DNAH11: variants seen among roughly 807,000 people sequenced by gnomAD.
DNAH11 encodes axonemal beta dynein heavy chain 11.
A neutral mutation model predicts 526.0 loss-of-function variants in DNAH11; 442 were observed. The observed-to-expected ratio is 0.84, with a 90% confidence interval of 0.78 to 0.91. DNAH11 has a LOEUF of 0.91. Among genes scored for constraint, DNAH11 ranks in the 40% least tolerant of loss-of-function variants. DNAH11 has a pLI of 0.00. For missense variants in DNAH11, 6,989 were observed against 5,448.7 expected (o/e 1.28, Z -8.90); for synonymous variants, 2,461 against 1,935.9 (o/e 1.27, Z -7.12).
At chr7:21,857,534 G>GA (rs71026827) in intron 68 of DNAH11, among the ~76,000 whole-genome samples, 75 of 147,214 alleles carry the variant, frequency 5.1e-4, no homozygotes, top group East Asian at 1.8e-3. Context: ...TTTTGAAAAA[G>GA]AAAAAAAAAA....
At chr7:21,726,461 A>T (rs1223398263) in intron 45 of DNAH11, among the ~76,000 whole-genome samples, 4 of 110,698 alleles carry the variant, frequency 3.6e-5, no homozygotes, top group African/African-American at 1.4e-4. Flanking sequence ...TCCCTTTTTA[A>T]AAAAAAAGTC....
Position 21,818,255 on chromosome 7 carries a change from A to G in DNAH11, c.10607A>G (p.Asp3536Gly). The G allele has an allele frequency of 6.2e-7, 1 of 1,612,298 alleles. No homozygotes were observed. The highest frequency in any genetic ancestry group is 1.1e-5 in the South Asian group (1 of 90,836). ...NAIETALAFG[D>G]VILIENLEET... ...ATTGAAACTGCTTTGGCCTTTGGTG[A>G]TGTCATCTTAATTGAAAATCTCGAG... Residue 3536 changes from aspartate (D) to glycine (G), a missense_variant, in exon 65 of 82, where the codon GAT (aspartate) becomes GGT (glycine). By Grantham distance (94) the Asp-to-Gly change is moderately conservative. Coordinates refer to ENST00000409508, the MANE Select transcript of DNAH11 (RefSeq NM_001277115.2).
At chr7:21,568,821 A>G (rs951438554) in intron 6 of DNAH11, among the ~76,000 whole-genome samples, 16 of 152,204 alleles carry the variant, frequency 1.1e-4, no homozygotes, top group African/African-American at 3.6e-4. Context: ...GCATCCTAAA[A>G]AGACACATTT....
At position 21,558,811 on chromosome 7, in the gene DNAH11, C is replaced by G. The variant is rs759701723; in HGVS notation, c.505C>G (p.Pro169Ala). 8.2e-6 allele frequency: 13 copies of G among 1,577,920 alleles called. No homozygotes were observed. In the South Asian group the frequency reaches 1.6e-4, roughly 19 times the overall value. ...VSAFLDEILVPVLSNKNNHKS... is the reference protein window; with the variant it reads ...VSAFLDEILVAVLSNKNNHKS... The stretch of plus-strand genomic sequence containing the variant: ...GTTTCTCTTTCTCTAGATTTTAGTG[C>G]CAGTTCTTTCTAATAAGAACAACCA... The change falls in exon 3 of 82, where the codon CCA becomes GCA. Residue 169 changes from proline (P) to alanine (A), a missense_variant. Pro to Ala is a conservative substitution (Grantham distance 27). Transcript: ENST00000409508.
Position 21,773,826 on chromosome 7 carries a change from A to G in DNAH11, c.9163A>G (p.Met3055Val). The G allele has an allele frequency of 1.2e-6, 2 of 1,609,042 alleles. No individual in the cohort carries two copies. The highest frequency in any genetic ancestry group is 2.7e-5 in the African/African-American group (2 of 74,980). The change falls in exon 56 of 82, where the codon ATG (methionine) becomes GTG (valine). Residue 3055 changes from methionine to valine, a missense_variant. Coordinates refer to ENST00000409508, the MANE Select transcript of DNAH11 (RefSeq NM_001277115.2). ...MAHVHTTVNE[M>V]STRYYQNERR... ...ACATGTTCACACCACTGTAAATGAA[A>G]TGAGTACCAGATATTACCAGAATGA...
intron 25 of DNAH11, among the ~76,000 whole-genome samples, chr7:21,635,656 C>T (rs1786827814): frequency 6.6e-6 from 1 of 152,046 alleles, no homozygotes; most frequent in Non-Finnish European, 1.5e-5. Flanking sequence ...ATATATTTAT[C>T]TTTTTTTCTT....
Position 21,617,738 on chromosome 7 carries a change from C to T in DNAH11, c.4215C>T (p.Leu1405=), listed in dbSNP as rs886038465. ...RAITELQSPA[L]RDRHWHQLMK... ...TCACAGAGTTACAGAGCCCTGCCCT[C>T]AGGGACAGGCATTGGCACCAGCTGA... Residue 1405 remains leucine (L), a synonymous_variant, in exon 23 of 82, where the codon CTC becomes CTT. Transcript: ENST00000409508. The T allele has an allele frequency of 5.0e-6, 8 of 1,608,436 alleles. No individual in the cohort carries two copies. The highest frequency in any genetic ancestry group is 3.3e-5 in the South Asian group (3 of 90,020).
chr7:21,731,101 G>T (rs919836696), intron 45 of DNAH11, among the ~76,000 whole-genome samples: 1 of 151,888 alleles, frequency 6.6e-6, no homozygotes, highest in Non-Finnish European at 1.5e-5. Context: ...CCGAGAGTGC[G>T]CTATTGGACT....
chr7:21,600,506 A>G (rs934657684), intron 15 of DNAH11, among the ~76,000 whole-genome samples, 170 bp from the exon 16 acceptor site: 6 of 152,142 alleles, frequency 3.9e-5, no homozygotes, highest in African/African-American at 1.4e-4. Context: ...CCCAGAACAA[A>G]TTAGGAAAAT....
Position 21,570,030 on chromosome 7 carries a change from A to G in DNAH11, c.1195-39A>G, listed in dbSNP as rs753366837. The G allele has an allele frequency of 8.2e-6, 12 of 1,459,050 alleles. No homozygotes were observed. In the South Asian group the frequency reaches 1.5e-4, roughly 18 times the overall value. The allele number at this position is 1,459,050 out of a possible 1,614,324, so 90.4% of individuals were successfully genotyped here. On this transcript the variant is annotated intron_variant, in intron 6 of 81. Coordinates refer to ENST00000409508, the MANE Select transcript of DNAH11 (RefSeq NM_001277115.2). ...GACGGTTACAGGGAAAAACTGTTAAACATAGTTTTGATCATTGTTCCCTTT... is the reference window on the plus strand; with the variant it reads ...GACGGTTACAGGGAAAAACTGTTAAGCATAGTTTTGATCATTGTTCCCTTT...
At chr7:21,739,489 T>C (rs1785775612) in intron 47 of DNAH11, 82 bp from the exon 48 acceptor site, 5 of 1,000,008 alleles carry the variant, frequency 5.0e-6, no homozygotes, top group South Asian at 1.5e-5. Flanking sequence ...TAATCTGCGA[T>C]GAAGACCTTT....
intron 12 of DNAH11, among the ~76,000 whole-genome samples, chr7:21,590,578 T>C (rs972810813): frequency 6.6e-5 from 10 of 152,206 alleles, no homozygotes; most frequent in African/African-American, 2.4e-4. Context: ...CCCTAAAATA[T>C]GTACAGAGAA....
chr7:21,658,070 A>C (rs75282618), intron 29 of DNAH11, among the ~76,000 whole-genome samples: 2,895 of 152,252 alleles, frequency 0.019, 40 homozygotes, highest in Non-Finnish European at 0.03. Flanking sequence ...TAAGAAAATA[A>C]ATACCTGGAT....
intron 57 of DNAH11, among the ~76,000 whole-genome samples, chr7:21,782,045 A>T (rs1445410899): frequency 6.6e-6 from 1 of 152,196 alleles, no homozygotes; most frequent in Admixed American, 6.5e-5. Flanking sequence ...CCCTGTCTCC[A>T]GATACAGTCA....
At chr7:21,725,775 T>G (rs1205000144) in intron 44 of DNAH11, 36 bp from the exon 45 acceptor site, 1 of 1,573,864 alleles carries the variant, frequency 6.4e-7, no homozygotes, top group South Asian at 1.2e-5. Flanking sequence ...TTAATTACTT[T>G]GAGTCTGCAA....
intron 30 of DNAH11, among the ~76,000 whole-genome samples, chr7:21,662,704 A>T (rs548450101): frequency 8.9e-4 from 136 of 152,082 alleles, no homozygotes; most frequent in Middle Eastern, 3.2e-3. Flanking sequence ...GACCTCTTGA[A>T]CTTATTCCTC....
rs1562614533 is a variant in DNAH11 at position 21,901,129 on chromosome 7, T to TACGAGTGCC, written c.13427_13435dup (p.Cys4478_Pro4479insHisGluCys). ...GGACAGACAAGAAACCAAACAGACC[T>TACGAGTGCC]ACGAGTGCCCTGTGTATAGAACCAA... On this transcript the variant is annotated inframe_insertion, in exon 82 of 82. Transcript: ENST00000409508. 2 of 1,613,928 alleles carry TACGAGTGCC rather than the reference T, an allele frequency of 1.2e-6. No homozygotes were observed. The highest frequency in any genetic ancestry group is 1.7e-6 in the Non-Finnish European group (2 of 1,179,856).
chr7:21,595,218 TC>T (rs974700636), intron 14 of DNAH11, among the ~76,000 whole-genome samples: 2 of 152,152 alleles, frequency 1.3e-5, no homozygotes, highest in African/African-American at 4.8e-5. Flanking sequence ...TGGAGGAAGT[TC>T]CCCTGGGCCT....
At chr7:21,759,474 G>A (rs927253139) in intron 54 of DNAH11, among the ~76,000 whole-genome samples, 3 of 152,204 alleles carry the variant, frequency 2.0e-5, no homozygotes, top group African/African-American at 4.8e-5. Context: ...ATACGAGGAC[G>A]ATGATAAAGT....
Sources: allele counts gnomAD v4.1 joint callset (sites outside exome capture counted in the v4.1 genomes callset), GRCh38; gene constraint gnomAD v4.1.1; transcripts MANE v1.5; gene names NCBI Gene and HGNC (gene_info 2026-07-23, HGNC 2026-07-21).